Variants in FAM117B observed in about 807,000 individuals in gnomAD.
FAM117B encodes the protein protein FAM117B.
FAM117B carries 22 observed loss-of-function variants against 52.8 expected under a neutral mutation model. The observed-to-expected ratio is 0.42, with a 90% confidence interval of 0.30 to 0.59. FAM117B has a LOEUF of 0.59. Among genes scored for constraint, FAM117B ranks in the 20% least tolerant of loss-of-function variants. The pLI, the probability that FAM117B is intolerant of heterozygous loss-of-function variation, is 0.22. For missense variants in FAM117B, 678 were observed against 802.6 expected (o/e 0.84, Z 1.88); for synonymous variants, 309 against 324.1 (o/e 0.95, Z 0.50).
intron 2 of FAM117B, among the ~76,000 whole-genome samples, chr2:202,717,831 T>C (rs1691082102): frequency 6.6e-6 from 1 of 152,108 alleles, no homozygotes; most frequent in Admixed American, 6.5e-5. Flanking sequence ...CTCAAGGCCC[T>C]GGGCTCTGCA....
chr2:202,679,478 G>C (rs983640740), intron 1 of FAM117B, among the ~76,000 whole-genome samples: 30 of 152,192 alleles, frequency 2.0e-4, no homozygotes, highest in African/African-American at 7.2e-4. Context: ...TAGAATGTGT[G>C]TACAGTGAAA....
chr2:202,765,919 A>C lies in FAM117B; in HGVS notation c.*155A>C. 1.3e-6 allele frequency: 1 copy of C among 773,808 alleles called. No individual in the cohort carries two copies. 47.9% of individuals were successfully genotyped at this position (773,808 alleles called of 1,614,324 possible). A position where few individuals can be genotyped will look rare whatever the true frequency, so the allele number is the denominator to read the frequency against. On this transcript the variant is annotated 3_prime_UTR_variant, in exon 8 of 8. Coordinates refer to ENST00000392238, the MANE Select transcript of FAM117B (RefSeq NM_173511.4). ...CTTCTGGAAGAAAGGATCCCCCGTG[A>C]CGGCTCTGCCCCACTTGTGAACGCC...
chr2:202,687,488 C>T (rs1434639667), intron 1 of FAM117B, among the ~76,000 whole-genome samples: 1 of 152,164 alleles, frequency 6.6e-6, no homozygotes, highest in Non-Finnish European at 1.5e-5. Context: ...TAGCTCACTC[C>T]GACCTTGACC....
At chr2:202,725,149 A>G in intron 3 of FAM117B, 140 bp downstream of exon 3, 1 of 525,074 alleles carries the variant, frequency 1.9e-6, no homozygotes, top group Non-Finnish European at 3.4e-6. Context: ...AACAAAAACA[A>G]TTATTGTGTT....
At chr2:202,729,987 A>G (rs1691314209) in intron 4 of FAM117B, among the ~76,000 whole-genome samples, 1 of 152,180 alleles carries the variant, frequency 6.6e-6, no homozygotes, top group Admixed American at 6.5e-5. Flanking sequence ...TAAGAATAGG[A>G]TTTAGTGATC....
rs752843146 is a variant in FAM117B, at chr2:202,757,344, C to T, written c.1236C>T (p.Ser412=). ...RGSNNSSRSQ[S]VSPTSFLTIS... ...GCAACAACAGCAGCCGTTCCCAGTC[C>T]GTGTCCCCAACATCGTTCCTCACCA... The change falls in exon 6 of 8, where the codon TCC becomes TCT. Residue 412 remains serine, a synonymous_variant. Coordinates refer to ENST00000392238, the MANE Select transcript of FAM117B (RefSeq NM_173511.4). 6.8e-6 allele frequency: 11 copies of T among 1,613,992 alleles called. No individual in the cohort carries two copies. The highest frequency in any genetic ancestry group is 2.7e-5 in the African/African-American group (2 of 74,898).
At chr2:202,720,400 C>T (rs1392012860) in intron 2 of FAM117B, among the ~76,000 whole-genome samples, 7 of 136,774 alleles carry the variant, frequency 5.1e-5, no homozygotes, top group Admixed American at 1.5e-4. Flanking sequence ...CTTTACCTGT[C>T]GTGTGTGTGT....
chr2:202,670,378 C>T (rs922813448), intron 1 of FAM117B, among the ~76,000 whole-genome samples: 3 of 151,646 alleles, frequency 2.0e-5, no homozygotes, highest in African/African-American at 7.3e-5. Flanking sequence ...AAACCTCTGC[C>T]TCCTAAGTTC....
At chr2:202,727,936 T>C (rs961602214) in intron 4 of FAM117B, among the ~76,000 whole-genome samples, 24 of 152,336 alleles carry the variant, frequency 1.6e-4, no homozygotes, top group African/African-American at 5.8e-4. Context: ...TGCCCCAAAA[T>C]ATTAATACTC....
chr2:202,670,377 C>T (rs1337065235), intron 1 of FAM117B, among the ~76,000 whole-genome samples: 3 of 151,742 alleles, frequency 2.0e-5, no homozygotes, highest in Admixed American at 2.0e-4. Flanking sequence ...GAAACCTCTG[C>T]CTCCTAAGTT....
intron 2 of FAM117B, among the ~76,000 whole-genome samples, chr2:202,699,449 G>GAAAAAAAAAAAAAAAAAAAA (rs59522030): frequency 3.0e-5 from 3 of 100,032 alleles, no homozygotes; most frequent in Admixed American, 1.2e-4. Context: ...AAAAAAAAAA[G>GAAAAAAAAAAAAAAAAAAAA]AAAAAAAAAA....
In FAM117B at chr2:202,765,869, T is replaced by C. The variant is rs1315991195; in HGVS notation, c.*105T>C. On this transcript the variant is annotated 3_prime_UTR_variant, in exon 8 of 8. Transcript: ENST00000392238. ...CTGGTCGGCTGTGATGTGCTCCAGC[T>C]TTCCAGTGACATGTGACGGCGAGGC... 2 of 1,211,292 alleles carry C rather than the reference T, an allele frequency of 1.7e-6. No homozygotes were observed. The highest frequency in any genetic ancestry group is 2.3e-6 in the Non-Finnish European group (2 of 873,816). The allele number at this position is 1,211,292 out of a possible 1,614,324, so 75.0% of individuals were successfully genotyped here. A position where few individuals can be genotyped will look rare whatever the true frequency, so the allele number is the denominator to read the frequency against.
Position 202,695,761 on chromosome 2 carries a change from C to T in FAM117B, c.602-120C>T, listed in dbSNP as rs1690700191. 5 of 1,041,610 alleles carry T rather than the reference C, an allele frequency of 4.8e-6. No individual in the cohort carries two copies. In the South Asian group the frequency reaches 5.4e-5, roughly 11 times the overall value. The allele number at this position is 1,041,610 out of a possible 1,614,324, so 64.5% of individuals were successfully genotyped here. On this transcript the variant is annotated intron_variant, in intron 1 of 7. Transcript: ENST00000392238. ...TTACTGGGGGTCTTGGAAGTATCCC[C>T]TGTGGTTAAAGGGGATTACCATAGT...
Position 202,635,314 on chromosome 2 carries a change from C to G in FAM117B, c.127C>G (p.Leu43Val). ...CATGAGGGCGACGGTTCCGTTCCAG[C>G]TGAAGCAGCAGCAGCAGCAGCAACA... ...QPMRATVPFQ[L>V]KQQQQQQHGS... The change falls in exon 1 of 8, where the codon CTG (leucine) becomes GTG (valine). Residue 43 changes from leucine to valine, a missense_variant. Around this residue, in one of 3 missense-constraint regions of FAM117B, gnomAD observed 583 missense variants for 644.8 expected, o/e 0.90. Transcript: ENST00000392238. 1 of 1,418,656 alleles carries G rather than the reference C, an allele frequency of 7.0e-7. No individual in the cohort carries two copies. The highest frequency in any genetic ancestry group is 1.4e-5 in the South Asian group (1 of 69,534). 87.9% of individuals were successfully genotyped at this position (1,418,656 alleles called of 1,614,324 possible). A position where few individuals can be genotyped will look rare whatever the true frequency, so the allele number is the denominator to read the frequency against.
chr2:202,753,809 G>A (rs536487507), intron 4 of FAM117B, among the ~76,000 whole-genome samples: 1 of 150,246 alleles, frequency 6.7e-6, no homozygotes, highest in South Asian at 2.1e-4. Context: ...AAATGCAAAT[G>A]AAAACCACAA....
At chr2:202,727,728 G>C (rs935023251) in intron 4 of FAM117B, among the ~76,000 whole-genome samples, 1 of 152,060 alleles carries the variant, frequency 6.6e-6, no homozygotes, top group Admixed American at 6.6e-5. Context: ...GTCCTGTCCT[G>C]GAACCAGTCT....
chr2:202,678,057 A>G (rs1690404273), intron 1 of FAM117B, among the ~76,000 whole-genome samples: 1 of 152,194 alleles, frequency 6.6e-6, no homozygotes. Flanking sequence ...AAAGTGTGAT[A>G]TATTAATATG....
At chr2:202,741,875 C>G (rs1251062327) in intron 4 of FAM117B, among the ~76,000 whole-genome samples, 1 of 152,030 alleles carries the variant, frequency 6.6e-6, no homozygotes, top group Non-Finnish European at 1.5e-5. Flanking sequence ...CATTAACAAG[C>G]TAAAATCAAT....
chr2:202,654,441 G>T (rs554487085), intron 1 of FAM117B, among the ~76,000 whole-genome samples: 1 of 152,204 alleles, frequency 6.6e-6, no homozygotes, highest in South Asian at 2.1e-4. Flanking sequence ...AGGTTGTACT[G>T]ATAGCCCACT....
Sources: gnomAD v4.1 joint callset for allele counts (sites outside exome capture counted in the v4.1 genomes callset) on GRCh38, gnomAD v4.1.1 for gene constraint, gnomAD v4.1.1 regional missense constraint, MANE v1.5 for transcripts, NCBI Gene and HGNC (gene_info 2026-07-23, HGNC 2026-07-21) for gene names.